Variants in CELF4 observed in about 807,000 individuals in gnomAD.
The protein encoded by CELF4 is CUG-BP- and ETR-3-like factor 4.
Under a neutral mutation model 59.9 loss-of-function variants are expected in CELF4, and 18 were observed. The ratio of observed to expected loss-of-function variants is 0.30; its 90% CI spans 0.21 to 0.45. The LOEUF (loss-of-function observed/expected upper bound fraction) is 0.45, where lower values mean the gene tolerates loss of function less well. CELF4 is among the 20% of genes least tolerant of loss of function. The pLI, the probability that CELF4 is intolerant of heterozygous loss-of-function variation, is 1.00. For synonymous variants in CELF4, 261 were observed against 267.1 expected (o/e 0.98, Z 0.22); for missense variants, 456 against 689.0 (o/e 0.66, Z 3.79).
At chr18:37,275,286 G>A (rs368535811) in intron 3 of CELF4, 43 bp from the exon 4 acceptor site, 1 of 1,610,374 alleles carries the variant, frequency 6.2e-7, no homozygotes, top group African/African-American at 1.3e-5. Flanking sequence ...CAGGGACCGG[G>A]CTGCGCGGGA....
intron 2 of CELF4, among the ~76,000 whole-genome samples, chr18:37,357,730 A>T (rs2098621682): frequency 6.6e-6 from 1 of 152,222 alleles, no homozygotes; most frequent in Non-Finnish European, 1.5e-5. Flanking sequence ...CTGCAAAGCC[A>T]CAGGGGTGGA....
chr18:37,347,286 G>A (rs965742826), intron 2 of CELF4, among the ~76,000 whole-genome samples: 3 of 152,126 alleles, frequency 2.0e-5, no homozygotes, highest in Non-Finnish European at 2.9e-5. Flanking sequence ...CCACGCCCAA[G>A]TTGGTTGGTG....
At chr18:37,475,282 G>A (rs1450949315) in intron 2 of CELF4, among the ~76,000 whole-genome samples, 1 of 152,218 alleles carries the variant, frequency 6.6e-6, no homozygotes, top group African/African-American at 2.4e-5. Context: ...CATTAGGCCA[G>A]TGGTGGTTGA....
chr18:37,288,366 C>T (rs1013622067), intron 3 of CELF4, among the ~76,000 whole-genome samples: 1 of 152,210 alleles, frequency 6.6e-6, no homozygotes, highest in African/African-American at 2.4e-5. Context: ...TGCAGAGCTC[C>T]ATGCATTCAT....
At chr18:37,349,989 A>C (rs865823542) in intron 2 of CELF4, among the ~76,000 whole-genome samples, 2 of 152,168 alleles carry the variant, frequency 1.3e-5, no homozygotes, top group Non-Finnish European at 2.9e-5. Flanking sequence ...TTTGCTTTTT[A>C]GTAAACACTG....
intron 2 of CELF4, among the ~76,000 whole-genome samples, chr18:37,324,513 G>A (rs2097231890): frequency 6.6e-6 from 1 of 152,170 alleles, no homozygotes; most frequent in Admixed American, 6.5e-5. Context: ...CCAGCCTCCG[G>A]AGCTGTGAGA....
At chr18:37,535,413 G>A (rs1392980492) in intron 1 of CELF4, among the ~76,000 whole-genome samples, 1 of 152,138 alleles carries the variant, frequency 6.6e-6, no homozygotes, top group Non-Finnish European at 1.5e-5. Flanking sequence ...AAGAGCAGTG[G>A]CCCAGGGATC....
At chr18:37,434,816 C>T (rs1252561545) in intron 2 of CELF4, among the ~76,000 whole-genome samples, 1 of 152,154 alleles carries the variant, frequency 6.6e-6, no homozygotes, top group Non-Finnish European at 1.5e-5. Context: ...CAAGTCCTCC[C>T]AGTGTTTGAT....
In CELF4 at chr18:37,470,551, T is replaced by A. The variant is rs552528707; in HGVS notation, c.369+14974A>T. On this transcript the variant is annotated intron_variant, in intron 2 of 12. Coordinates refer to ENST00000420428, the MANE Select transcript of CELF4 (RefSeq NM_020180.4). ...AATGAGAACAGACCCAAATGTGGCATCCCAGCAGCGCTGTGTCCAACTGTC... is the reference window on the plus strand; with the variant it reads ...AATGAGAACAGACCCAAATGTGGCAACCCAGCAGCGCTGTGTCCAACTGTC... 6.9e-4 allele frequency among the ~76,000 whole-genome samples: 105 copies of A among 152,290 alleles called. 1 individual carries two copies. Among genetic ancestry groups the A allele is most frequent in the African/African-American group, 2.2e-3 (90 of 41,558 alleles).
intron 11 of CELF4, among the ~76,000 whole-genome samples, chr18:37,257,095 C>A (rs77177673): frequency 6.6e-6 from 1 of 151,910 alleles, no homozygotes; most frequent in Non-Finnish European, 1.5e-5. Flanking sequence ...GAAAAAAAAA[C>A]TGTAGTCCTG....
At chr18:37,357,360 C>T (rs1281046528) in intron 2 of CELF4, among the ~76,000 whole-genome samples, 1 of 152,228 alleles carries the variant, frequency 6.6e-6, no homozygotes, top group East Asian at 1.9e-4. Context: ...AACCTCAAGC[C>T]TTGGAGCTTC....
chr18:37,290,752 G>T (rs771490751), intron 3 of CELF4, among the ~76,000 whole-genome samples: 9 of 152,098 alleles, frequency 5.9e-5, no homozygotes, highest in Non-Finnish European at 1.3e-4. Context: ...CCTTTGATTC[G>T]ACTAAGATAG....
chr18:37,478,939 A>G (rs77947672), intron 2 of CELF4, among the ~76,000 whole-genome samples: 4,170 of 152,196 alleles, frequency 0.027, 187 homozygotes, highest in African/African-American at 0.093. Flanking sequence ...GCTCTTCTGA[A>G]GGTATGGGCT....
intron 10 of CELF4, among the ~76,000 whole-genome samples, chr18:37,261,644 C>A (rs2074563057): frequency 6.6e-6 from 1 of 152,242 alleles, no homozygotes; most frequent in South Asian, 2.1e-4. Flanking sequence ...CCAATGTGGT[C>A]CAGCCCAGCC....
intron 2 of CELF4, among the ~76,000 whole-genome samples, chr18:37,356,486 A>AGGTGCTGGGAAGGCCATT (rs1199567818): frequency 1.3e-5 from 2 of 151,816 alleles, no homozygotes; most frequent in African/African-American, 2.4e-5. Flanking sequence ...GGAAGGTCAG[A>AGGTGCTGGGAAGGCCATT]GGTGCTGGGA....
At chr18:37,370,065 G>A (rs764422159) in intron 2 of CELF4, among the ~76,000 whole-genome samples, 1 of 152,200 alleles carries the variant, frequency 6.6e-6, no homozygotes, top group Non-Finnish European at 1.5e-5. Context: ...GTATTCCTCT[G>A]AAGCAGAGGT....
chr18:37,371,893 T>C (rs1260046898), intron 2 of CELF4, among the ~76,000 whole-genome samples: 1 of 152,204 alleles, frequency 6.6e-6, no homozygotes, highest in East Asian at 1.9e-4. Flanking sequence ...TGGGAATGCA[T>C]GCAGTTCAGC....
intron 3 of CELF4, among the ~76,000 whole-genome samples, chr18:37,284,227 GCA>G (rs2094507989): frequency 6.7e-6 from 1 of 149,072 alleles, no homozygotes; most frequent in Non-Finnish European, 1.5e-5. Context: ...ACACACAGAT[GCA>G]CATACACATA....
chr18:37,321,730 G>C, intron 3 of CELF4, 73 bp downstream of exon 3: 1 of 1,128,440 alleles, frequency 8.9e-7, no homozygotes, highest in Admixed American at 1.8e-5. Context: ...TCGCTGCATC[G>C]CCTTGCTGCG....
Sources: gnomAD v4.1 joint callset for allele counts (sites outside exome capture counted in the v4.1 genomes callset) on GRCh38, gnomAD v4.1.1 for gene constraint, MANE v1.5 for transcripts, NCBI Gene and HGNC (gene_info 2026-07-23, HGNC 2026-07-21) for gene names.